The following SLC26A7 variants were observed in gnomAD, a reference collection of about 807,000 sequenced individuals.
SLC26A7 encodes the protein anion exchange transporter.
SLC26A7 carries 59 observed loss-of-function variants against 82.5 expected under a neutral mutation model. The observed-to-expected ratio is 0.72, with a 90% CI of 0.58 to 0.89. The LOEUF (loss-of-function observed/expected upper bound fraction) is 0.89, where lower values mean the gene tolerates loss of function less well. Ranked by LOEUF, SLC26A7 falls within the 40% of genes least tolerant of loss-of-function variation. The probability of loss-of-function intolerance (pLI) is 0.00; values close to 1 mark genes in which losing one functional copy is unlikely to be tolerated. For missense variants in SLC26A7, 820 were observed against 793.0 expected (o/e 1.03, Z -0.41); for synonymous variants, 271 against 274.3 (o/e 0.99, Z 0.12).
At chr8:91,233,432 C>T (rs56320675) in intron 2 of SLC26A7, among the ~76,000 whole-genome samples, 3,849 of 151,660 alleles carry the variant, frequency 0.025, 177 homozygotes, top group African/African-American at 0.086. Flanking sequence ...CTGGGCATGG[C>T]GGCACACACC....
chr8:91,389,297 C>G (rs1268115380), intron 15 of SLC26A7, 41 bp from the exon 16 acceptor site: 1 of 1,501,474 alleles, frequency 6.7e-7, no homozygotes, highest in Non-Finnish European at 9.3e-7. Context: ...GCAGAAGTCT[C>G]TTAAAACTCT....
chr8:91,279,479 T>C (rs1811506804), intron 2 of SLC26A7, among the ~76,000 whole-genome samples: 1 of 152,182 alleles, frequency 6.6e-6, no homozygotes, highest in Admixed American at 6.5e-5. Context: ...TTTTTGGTAA[T>C]AGTCATTCTA....
chr8:91,363,522 A>G lies in SLC26A7; in HGVS notation c.1472A>G (p.Lys491Arg). 2.7e-6 allele frequency: 4 copies of G among 1,498,650 alleles called. No individual in the cohort carries two copies. Among genetic ancestry groups the G allele is most frequent in the African/African-American group, 1.4e-5 (1 of 71,464 alleles). 92.8% of individuals were successfully genotyped at this position (1,498,650 alleles called of 1,614,324 possible). ...KNMKEMEFKV[K>R]TEMDSETLQQ... Reference sequence around the variant, plus strand: ...ATGAAAGAAATGGAATTTAAAGTGAAGACAGAAATGGACAGTGTAAGTTTA... The same window carrying G: ...ATGAAAGAAATGGAATTTAAAGTGAGGACAGAAATGGACAGTGTAAGTTTA... The change falls in exon 13 of 19, where the codon AAG (lysine) becomes AGG (arginine). Residue 491 changes from lysine to arginine, a missense_variant. By Grantham distance (26) the Lys-to-Arg change is conservative. Transcript: ENST00000276609.
intron 15 of SLC26A7, among the ~76,000 whole-genome samples, chr8:91,382,189 A>G (rs377524771): frequency 1.3e-5 from 2 of 152,196 alleles, no homozygotes; most frequent in African/African-American, 4.8e-5. Context: ...ATAATAACAG[A>G]TTAATGTTAA....
chr8:91,386,938 A>G (rs1814817066), intron 15 of SLC26A7, among the ~76,000 whole-genome samples: 1 of 152,210 alleles, frequency 6.6e-6, no homozygotes, highest in African/African-American at 2.4e-5. Context: ...GCTCCAATAT[A>G]CATTGTAAAC....
chr8:91,285,169 G>A (rs1273254206), intron 2 of SLC26A7, among the ~76,000 whole-genome samples: 1 of 152,246 alleles, frequency 6.6e-6, no homozygotes, highest in Non-Finnish European at 1.5e-5. Context: ...TCTGGAAACA[G>A]CACTTCAATC....
Position 91,395,921 on chromosome 8 carries a change from TA to T in SLC26A7, c.*825del. On this transcript the variant is annotated 3_prime_UTR_variant, in exon 19 of 19. Coordinates refer to ENST00000276609, the MANE Select transcript of SLC26A7 (RefSeq NM_052832.4). ...ATTTTATAATTTTTAGATGAGAAAA[TA>T]CCACTAGCAGAATAGCTTTGTGCTA... is the stretch of plus-strand genomic sequence containing the variant. 6.6e-6 allele frequency: 1 copy of T among 152,162 alleles called. No homozygotes were observed. Among genetic ancestry groups the T allele is most frequent in the East Asian group, 1.9e-4 (1 of 5,188 alleles). 9.4% of individuals were successfully genotyped at this position (152,162 alleles called of 1,614,324 possible).
chr8:91,239,391 A>ATATATAT (rs1385660578), intron 2 of SLC26A7, among the ~76,000 whole-genome samples: 275 of 105,098 alleles, frequency 2.6e-3, no homozygotes, highest in African/African-American at 8.4e-3. Context: ...AAAAAAAAAA[A>ATATATAT]AAAAATATAT....
At chr8:91,339,279 TAAAA>T (rs552827402) in intron 7 of SLC26A7, among the ~76,000 whole-genome samples, 7 of 148,050 alleles carry the variant, frequency 4.7e-5, no homozygotes, top group African/African-American at 7.4e-5. Context: ...GGAGGTGGGT[TAAAA>T]AAAAAAGTCA....
intron 11 of SLC26A7, among the ~76,000 whole-genome samples, chr8:91,358,329 C>CTTTTTT (rs71273702): frequency 3.7e-5 from 5 of 133,346 alleles, no homozygotes; most frequent in Admixed American, 7.6e-5. Flanking sequence ...TTTTCTTTTT[C>CTTTTTT]TTTTTTTTTT....
chr8:91,374,800 A>G (rs1814463049), intron 15 of SLC26A7, among the ~76,000 whole-genome samples: 1 of 152,054 alleles, frequency 6.6e-6, no homozygotes, highest in African/African-American at 2.4e-5. Flanking sequence ...TTTCTGCCTC[A>G]GTGATCCTTC....
At chr8:91,261,032 T>G (rs560427078) in intron 2 of SLC26A7, among the ~76,000 whole-genome samples, 1 of 152,228 alleles carries the variant, frequency 6.6e-6, no homozygotes, top group Non-Finnish European at 1.5e-5. Flanking sequence ...TGTGGTTTGC[T>G]AATAACTATT....
intron 2 of SLC26A7, among the ~76,000 whole-genome samples, chr8:91,254,543 T>G (rs768493800): frequency 2.0e-4 from 30 of 152,128 alleles, no homozygotes; most frequent in Non-Finnish European, 4.3e-4. Flanking sequence ...CTTCACTTCT[T>G]TATAATCATA....
At chr8:91,348,236 T>C in intron 9 of SLC26A7, 2 of 674,996 alleles carry the variant, frequency 3.0e-6, no homozygotes, top group Non-Finnish European at 3.7e-6. Flanking sequence ...TCTAATGTCA[T>C]CTCTCTCTTT....
intron 9 of SLC26A7, among the ~76,000 whole-genome samples, chr8:91,348,709 G>GT (rs201424421): frequency 2.7e-4 from 33 of 120,336 alleles, no homozygotes; most frequent in African/African-American, 4.4e-4. Flanking sequence ...AGCTAGTTTT[G>GT]TTTTTTTTTT....
At chr8:91,359,689 G>T (rs1398037773) in intron 11 of SLC26A7, among the ~76,000 whole-genome samples, 2 of 152,120 alleles carry the variant, frequency 1.3e-5, no homozygotes, top group African/African-American at 4.8e-5. Context: ...GCAGAGAAAA[G>T]CCATGGATTA....
chr8:91,353,739 G>A (rs1010710959), intron 11 of SLC26A7, among the ~76,000 whole-genome samples: 11 of 151,944 alleles, frequency 7.2e-5, no homozygotes, highest in Admixed American at 4.6e-4. Flanking sequence ...AGAGGTTTTG[G>A]GATATTATTT....
intron 2 of SLC26A7, among the ~76,000 whole-genome samples, chr8:91,240,569 T>C (rs182477001): frequency 3.3e-5 from 5 of 152,312 alleles, no homozygotes; most frequent in Admixed American, 2.0e-4. Flanking sequence ...TTTCTTATTA[T>C]AGTACTTTAA....
chr8:91,222,132 C>A (rs1004051369), intron 2 of SLC26A7, among the ~76,000 whole-genome samples: 6 of 152,104 alleles, frequency 3.9e-5, no homozygotes, highest in Non-Finnish European at 7.4e-5. Context: ...TTCTTTGTAG[C>A]AATTGTGAAT....
Sources: allele counts gnomAD v4.1 joint callset (sites outside exome capture counted in the v4.1 genomes callset), GRCh38; gene constraint gnomAD v4.1.1; transcripts MANE v1.5; gene names NCBI Gene and HGNC (gene_info 2026-07-23, HGNC 2026-07-21).